The following CFAP20DC variants were observed in gnomAD, a reference collection of about 807,000 sequenced individuals.
CFAP20DC encodes the protein protein CFAP20DC.
CFAP20DC carries 84 observed loss-of-function variants against 101.7 expected under a neutral mutation model. The ratio of observed to expected loss-of-function variants is 0.83; its 90% CI spans 0.69 to 0.99. CFAP20DC has a LOEUF of 0.99. Ranked by LOEUF, CFAP20DC falls within the 50% of genes least tolerant of loss-of-function variation. CFAP20DC has a pLI of 0.00. For synonymous variants in CFAP20DC, 359 were observed against 351.2 expected, an observed-to-expected ratio of 1.02 and a Z score of -0.25; for missense variants, 1,007 against 970.3, an observed-to-expected ratio of 1.04 and a Z score of -0.50.
intron 6 of CFAP20DC, among the ~76,000 whole-genome samples, chr3:58,905,784 C>T (rs2083525795): frequency 6.6e-6 from 1 of 152,334 alleles, no homozygotes. Context: ...GTTCTCAACA[C>T]AGCCTCATCA....
chr3:58,880,585 T>C (rs976576988), intron 7 of CFAP20DC, among the ~76,000 whole-genome samples: 3 of 152,066 alleles, frequency 2.0e-5, no homozygotes, highest in Non-Finnish European at 4.4e-5. Context: ...ATTAAATGAA[T>C]TTAATATTTA....
chr3:58,913,699 T>C lies in CFAP20DC; in HGVS notation c.550+9A>G. 1 of 1,613,368 alleles carries C rather than the reference T, an allele frequency of 6.2e-7. No homozygotes were observed. Among genetic ancestry groups the C allele is most frequent in the African/African-American group, 1.3e-5 (1 of 75,020 alleles). ...GAATTAAAAAATCTTGATAGCAACCTGAACATACCATCCTTATCAGCAGTG... is the reference window on the plus strand; with the variant it reads ...GAATTAAAAAATCTTGATAGCAACCCGAACATACCATCCTTATCAGCAGTG... On this transcript the variant is annotated intron_variant, in intron 6 of 16. Transcript: ENST00000482387. This position sits in a 1 kb window ranked among gnomAD's most constrained non-coding sequence, Gnocchi z 4.4.
intron 15 of CFAP20DC, among the ~76,000 whole-genome samples, chr3:58,756,916 A>G (rs570402087): frequency 6.6e-6 from 1 of 152,232 alleles, no homozygotes; most frequent in South Asian, 2.1e-4. Context: ...TTACAGCAGC[A>G]TAATACGTTA....
chr3:58,939,447 T>C (rs908503579), intron 4 of CFAP20DC, among the ~76,000 whole-genome samples: 1 of 152,168 alleles, frequency 6.6e-6, no homozygotes. Flanking sequence ...CTACATTTTT[T>C]AAAATTTTAT....
At chr3:59,020,573 T>C (rs983765028) in intron 4 of CFAP20DC, among the ~76,000 whole-genome samples, 1 of 152,036 alleles carries the variant, frequency 6.6e-6, no homozygotes, top group Non-Finnish European at 1.5e-5. Context: ...GTGTTTATAG[T>C]AGGTTATCAC....
chr3:58,908,690 C>T (rs1490350186), intron 6 of CFAP20DC, among the ~76,000 whole-genome samples: 1 of 152,066 alleles, frequency 6.6e-6, no homozygotes, highest in Non-Finnish European at 1.5e-5. Flanking sequence ...ACAAAAAAAC[C>T]CCACACAAAA....
At chr3:58,940,627 A>AT (rs776505509) in intron 4 of CFAP20DC, among the ~76,000 whole-genome samples, 10 of 151,970 alleles carry the variant, frequency 6.6e-5, no homozygotes, top group Non-Finnish European at 1.3e-4. Flanking sequence ...CTGTTGATTC[A>AT]TTTTTTTCAT....
chr3:58,898,904 CTTTG>C (rs1226204175), intron 6 of CFAP20DC, among the ~76,000 whole-genome samples: 1 of 149,216 alleles, frequency 6.7e-6, no homozygotes, highest in Non-Finnish European at 1.5e-5. Flanking sequence ...GTTGTTTTCT[CTTTG>C]TTTTTTTTTT....
At chr3:58,786,315 AAC>A (rs1383039081) in intron 15 of CFAP20DC, among the ~76,000 whole-genome samples, 3 of 152,142 alleles carry the variant, frequency 2.0e-5, no homozygotes, top group Non-Finnish European at 4.4e-5. Flanking sequence ...TGGTATCAAA[AAC>A]ACAGAGTCTC....
At chr3:58,929,065 A>G (rs1396556622) in intron 5 of CFAP20DC, among the ~76,000 whole-genome samples, 3 of 152,184 alleles carry the variant, frequency 2.0e-5, no homozygotes, top group Non-Finnish European at 4.4e-5. Flanking sequence ...TGTTTATGTC[A>G]TTACACACCC....
chr3:58,813,250 A>G (rs934656858), intron 14 of CFAP20DC, among the ~76,000 whole-genome samples: 6 of 151,946 alleles, frequency 3.9e-5, no homozygotes, highest in Non-Finnish European at 8.8e-5. Flanking sequence ...TAGCTGAACA[A>G]CTATATCTCA....
chr3:58,790,908 T>C (rs1372435725), intron 15 of CFAP20DC, among the ~76,000 whole-genome samples: 1 of 151,924 alleles, frequency 6.6e-6, no homozygotes, highest in Non-Finnish European at 1.5e-5. Context: ...AACCCAGAAG[T>C]GATATTAAAA....
chr3:59,004,899 A>C (rs2093400417), intron 4 of CFAP20DC, among the ~76,000 whole-genome samples: 1 of 152,220 alleles, frequency 6.6e-6, no homozygotes, highest in African/African-American at 2.4e-5. Context: ...GGCCAGAGAA[A>C]GTACCTTATA....
At chr3:58,860,599 G>C (rs949634728) in intron 12 of CFAP20DC, among the ~76,000 whole-genome samples, 1 of 152,074 alleles carries the variant, frequency 6.6e-6, no homozygotes, top group East Asian at 1.9e-4. Context: ...TACACAACCA[G>C]AATTCAGGGA....
intron 1 of CFAP20DC, among the ~76,000 whole-genome samples, chr3:59,048,697 TGTTAGGTGAATGA>T (rs1700068905): frequency 1.3e-5 from 2 of 150,918 alleles, no homozygotes. Context: ...AGGCAAGTAG[TGTTAGGTGAATGA>T]AAAGGCAGAA....
rs2079254466 is a variant in CFAP20DC at position 58,861,621 on chromosome 3, C to T, written c.1593+1937G>A. The T allele has an allele frequency of 1.0e-6, 1 of 985,230 alleles. No individual in the cohort carries two copies. The highest frequency in any genetic ancestry group is 1.7e-5 in the African/African-American group (1 of 57,222). The allele number at this position is 985,230 out of a possible 1,614,324, so 61.0% of individuals were successfully genotyped here. On this transcript the variant is annotated intron_variant, in intron 12 of 16. Transcript: ENST00000482387. The surrounding 1 kb of genome is among the most constrained non-coding windows in gnomAD (Gnocchi z 4.0). ...AATATAGCCTAGCATTTTTGTTGGT[C>T]CTATTTTTGTATCTTAGCTTGTATC...
chr3:58,911,106 C>T (rs973670394), intron 6 of CFAP20DC, among the ~76,000 whole-genome samples: 2 of 152,032 alleles, frequency 1.3e-5, no homozygotes, highest in Non-Finnish European at 2.9e-5. Context: ...AATATAGTAA[C>T]TGAAATTAAG....
intron 3 of CFAP20DC, among the ~76,000 whole-genome samples, chr3:58,735,553 A>G (rs980407565): frequency 6.6e-6 from 1 of 152,174 alleles, no homozygotes; most frequent in Admixed American, 6.5e-5. Flanking sequence ...AAAGACAAGA[A>G]ATGAGAATAG....
chr3:58,797,902 A>C (rs2073375441), intron 15 of CFAP20DC, among the ~76,000 whole-genome samples: 1 of 152,174 alleles, frequency 6.6e-6, no homozygotes, highest in Non-Finnish European at 1.5e-5. Context: ...GCCTGGATGA[A>C]GGCACATCTG....
Sources: allele counts gnomAD v4.1 joint callset (sites outside exome capture counted in the v4.1 genomes callset), GRCh38; gene constraint gnomAD v4.1.1; non-coding constraint Gnocchi (gnomAD v3.1); transcripts MANE v1.5; gene names NCBI Gene and HGNC (gene_info 2026-07-23, HGNC 2026-07-21).